TADA1: variants seen among roughly 807,000 people sequenced by gnomAD.
TADA1 encodes the protein transcriptional adapter 1.
A neutral mutation model predicts 39.3 loss-of-function variants in TADA1; 23 were observed. That is an observed-to-expected ratio of 0.58 (90% CI 0.42 to 0.83). The LOEUF is 0.83. Ranked by LOEUF, TADA1 falls within the 40% of genes least tolerant of loss-of-function variation. The probability of loss-of-function intolerance (pLI) is 0.00; values close to 1 mark genes in which losing one functional copy is unlikely to be tolerated. For missense variants in TADA1, 352 were observed against 408.1 expected (o/e 0.86, Z 1.18); for synonymous variants, 137 against 151.8 (o/e 0.90, Z 0.72).
Position 166,857,569 on chromosome 1 carries a change from A to G in TADA1, c.1006T>C (p.Ter336GlnextTer4), listed in dbSNP as rs780727464. 2 of 1,613,938 alleles carry G rather than the reference A, an allele frequency of 1.2e-6. No individual in the cohort carries two copies. Among genetic ancestry groups the G allele is most frequent in the Non-Finnish European group, 1.7e-6 (2 of 1,179,956 alleles). The change falls in exon 8 of 8, where the codon TAA (stop) becomes CAA (glutamine). Residue 336 changes from the stop codon to glutamine (Q), a stop_lost. Coordinates refer to ENST00000367874, the MANE Select transcript of TADA1 (RefSeq NM_053053.4). ...LAAKEGLLLC[*>Q] is the part of the protein sequence containing the mutation. ...GTCCCACACCCTCAAATCCTAATTT[A>G]GCACAGCAAAAGCCCCTCCTTGGCT...
At chr1:166,873,283 T>C (rs1052748030) in intron 1 of TADA1, among the ~76,000 whole-genome samples, 1 of 152,032 alleles carries the variant, frequency 6.6e-6, no homozygotes, top group Non-Finnish European at 1.5e-5. Flanking sequence ...AATAAATAAA[T>C]AAATGCATAA....
intron 5 of TADA1, among the ~76,000 whole-genome samples, chr1:166,861,135 A>T (rs1252889167): frequency 6.6e-6 from 1 of 152,218 alleles, no homozygotes; most frequent in Non-Finnish European, 1.5e-5. Flanking sequence ...TAGGTACTTG[A>T]TTTCTCTTCA....
chr1:166,865,917 CG>C (rs1658522888), intron 3 of TADA1, among the ~76,000 whole-genome samples: 2 of 138,632 alleles, frequency 1.4e-5, no homozygotes, highest in African/African-American at 5.3e-5. Flanking sequence ...TGGAAAGAAA[CG>C]TTTTTAACGC....
In TADA1 at chr1:166,860,221, C is replaced by T. The variant is rs775491342; in HGVS notation, c.657G>A (p.Lys219=). Residue 219 remains lysine, a synonymous_variant, in exon 6 of 8, where the codon AAG becomes AAA. Coordinates refer to ENST00000367874, the MANE Select transcript of TADA1 (RefSeq NM_053053.4). ...AGTTGTTGTAAGCTACTACACTATT[C>T]TTCAGGTATGGCTGCGGGGTCACGT... ...GSNVTPQPYL[K]NSVVAYNNLI... is the part of the protein sequence containing the mutation. 1.2e-6 allele frequency: 2 copies of T among 1,613,280 alleles called. No homozygotes were observed. Among genetic ancestry groups the T allele is most frequent in the Non-Finnish European group, 1.7e-6 (2 of 1,179,788 alleles).
At chr1:166,874,556 C>A (rs751174831) in intron 1 of TADA1, among the ~76,000 whole-genome samples, 31 of 151,870 alleles carry the variant, frequency 2.0e-4, no homozygotes, top group Non-Finnish European at 3.8e-4. Context: ...GAGGCCAATG[C>A]GGGAGGACTG....
At chr1:166,870,580 C>G (rs1043189606) in intron 1 of TADA1, among the ~76,000 whole-genome samples, 26 of 152,228 alleles carry the variant, frequency 1.7e-4, no homozygotes, top group African/African-American at 3.6e-4. Flanking sequence ...GTAGTCCCAG[C>G]ACTTTGGGAG....
chr1:166,866,415 T>C (rs940505751), intron 3 of TADA1, among the ~76,000 whole-genome samples: 3 of 152,208 alleles, frequency 2.0e-5, no homozygotes, highest in Non-Finnish European at 4.4e-5. Context: ...AAGTGTCTAG[T>C]ATGCTATACT....
chr1:166,876,246 C>T lies in TADA1; in HGVS notation c.-13G>A, dbSNP rs1557912818. The T allele has an allele frequency of 6.2e-7, 1 of 1,612,144 alleles. No individual in the cohort carries two copies. Among genetic ancestry groups the T allele is most frequent in the Middle Eastern group, 1.7e-4 (1 of 6,056 alleles). The stretch of plus-strand genomic sequence containing the variant: ...CAAAGGTCGCCATTGCTCCGCGTGT[C>T]TCAGCCCGACCGCAGACCGCCCGGC... On this transcript the variant is annotated 5_prime_UTR_variant, in exon 1 of 8. Coordinates refer to ENST00000367874, the MANE Select transcript of TADA1 (RefSeq NM_053053.4).
Position 166,876,167 on chromosome 1 carries a change from C to T in TADA1, c.67G>A (p.Val23Met). 6.2e-7 allele frequency: 1 copy of T among 1,613,526 alleles called. No homozygotes were observed. Residue 23 changes from valine to methionine, a missense_variant, in exon 1 of 8, where the codon GTG becomes ATG. By Grantham distance (21) the Val-to-Met change is conservative (BLOSUM62 1). Coordinates refer to ENST00000367874, the MANE Select transcript of TADA1 (RefSeq NM_053053.4). ...TGCTAGGGCAGCTCTTACTGTTTCA[C>T]GTTGTCCCCCAGGGCCTCGCTTAAG... The part of the protein sequence containing the change: ...KNLSEALGDN[V>M]KQYWANLKLW...
intron 4 of TADA1, chr1:166,862,849 G>A (rs1305956878): frequency 5.4e-6 from 1 of 185,046 alleles, no homozygotes; most frequent in Non-Finnish European, 1.1e-5. Context: ...GGCAGATCTA[G>A]TAACAAATAT....
rs75622967 is a variant in TADA1 at position 166,863,417 on chromosome 1, C to T, written c.330+407G>A. ...TACAAATTTTATAGCCAAATGCCTT[C>T]ATGACATCTCTACTAGTCCTCAAAA... On this transcript the variant is annotated intron_variant, in intron 4 of 7. Coordinates refer to ENST00000367874, the MANE Select transcript of TADA1 (RefSeq NM_053053.4). Among the ~76,000 whole-genome samples, 892 of 152,266 alleles carry T rather than the reference C, an allele frequency of 5.9e-3. 5 individuals are homozygous for T. Among genetic ancestry groups the T allele is most frequent in the African/African-American group, 0.02 (838 of 41,556 alleles).
intron 7 of TADA1, 68 bp from the exon 8 acceptor site, chr1:166,857,787 G>T: frequency 1.3e-6 from 2 of 1,510,916 alleles, no homozygotes; most frequent in Non-Finnish European, 1.8e-6. Flanking sequence ...CATATAAAAG[G>T]GTTTATATCA....
At chr1:166,857,804 C>T in intron 7 of TADA1, 85 bp from the exon 8 acceptor site, 8 of 1,408,982 alleles carry the variant, frequency 5.7e-6, no homozygotes, top group South Asian at 1.4e-5. Context: ...ATCAACAAAA[C>T]ATACACACAA....
chr1:166,858,386 G>C, intron 6 of TADA1, 105 bp from the exon 7 acceptor site: 1 of 856,744 alleles, frequency 1.2e-6, no homozygotes, highest in South Asian at 2.3e-5. Flanking sequence ...AATTGAATTA[G>C]AAATCCATTC....
rs74119702 is a variant in TADA1, at chr1:166,867,453, G to A, written c.232+1992C>T. Among the ~76,000 whole-genome samples the A allele has an allele frequency of 8.6e-3, 1,302 of 152,248 alleles. 13 individuals carry two copies. Among genetic ancestry groups the A allele is most frequent in the African/African-American group, 0.024 (1,000 of 41,534 alleles). ...ACACAGTGTAAGAATGTGCGGTGAT[G>A]AGTGTGGTGAGGGGAGGGAGGCAGT... On this transcript the variant is annotated intron_variant, in intron 3 of 7. Transcript: ENST00000367874.
intron 5 of TADA1, among the ~76,000 whole-genome samples, chr1:166,861,255 G>A (rs186488419): frequency 1.3e-5 from 2 of 152,126 alleles, no homozygotes; most frequent in East Asian, 3.9e-4. Context: ...CATCAGGCAG[G>A]GTGTTTCAAT....
intron 6 of TADA1, among the ~76,000 whole-genome samples, chr1:166,859,067 A>G (rs1040630796): frequency 2.0e-5 from 3 of 152,232 alleles, no homozygotes; most frequent in African/African-American, 7.2e-5. Context: ...TCCCAAACAG[A>G]TACGCCTGAA....
intron 4 of TADA1, among the ~76,000 whole-genome samples, chr1:166,863,367 A>G (rs1057310840): frequency 3.3e-5 from 5 of 152,190 alleles, no homozygotes; most frequent in African/African-American, 9.7e-5. Flanking sequence ...TATACACTGA[A>G]AAAAGCAATT....
rs774904319 is a variant in TADA1, at chr1:166,863,780, T to C, written c.330+44A>G. On this transcript the variant is annotated intron_variant, in intron 4 of 7. Transcript: ENST00000367874. ...ACTAAAGCTAGTCCCAACATGCCAC[T>C]ACTTCAATCAGTCATTATCAAGACC... 2.6e-6 allele frequency: 4 copies of C among 1,551,082 alleles called. No homozygotes were observed. The East Asian group carries it at 6.7e-5, about 26-fold the overall frequency.
Sources: gnomAD v4.1 joint callset for allele counts (sites outside exome capture counted in the v4.1 genomes callset) on GRCh38, gnomAD v4.1.1 for gene constraint, MANE v1.5 for transcripts, NCBI Gene and HGNC (gene_info 2026-07-23, HGNC 2026-07-21) for gene names.